Variants in MAN1C1 observed in about 807,000 individuals in gnomAD.
The protein encoded by MAN1C1 is mannosidase alpha class 1C member 1.
In MAN1C1, 49 loss-of-function variants were observed where a neutral mutation model predicts 71.5. The ratio of observed to expected loss-of-function variants is 0.69; its 90% CI spans 0.54 to 0.87. The LOEUF (loss-of-function observed/expected upper bound fraction) is 0.87, where lower values mean the gene tolerates loss of function less well. MAN1C1 is among the 40% of genes least tolerant of loss of function. The pLI, the probability that MAN1C1 is intolerant of heterozygous loss-of-function variation, is 0.00. For missense variants in MAN1C1, 743 were observed against 835.0 expected, an observed-to-expected ratio of 0.89 and a Z score of 1.36; for synonymous variants, 352 against 343.7, an observed-to-expected ratio of 1.02 and a Z score of -0.27.
At position 25,771,417 on chromosome 1, in the gene MAN1C1, C is replaced by T. The variant is rs142949994; in HGVS notation, c.1142-240C>T. On this transcript the variant is annotated intron_variant, in intron 7 of 11. Transcript: ENST00000374332. ...AGGCGAGGTGATTTATAGCACCCGC[C>T]GGATGAGCCCGTGCACTTTTGTGCA... Among the ~76,000 whole-genome samples, 1,091 of 152,242 alleles carry T rather than the reference C, an allele frequency of 7.2e-3. 3 individuals carry two copies. Among genetic ancestry groups the T allele is most frequent in the South Asian group, 0.021 (99 of 4,824 alleles).
At chr1:25,707,405 C>G (rs550569303) in intron 2 of MAN1C1, among the ~76,000 whole-genome samples, 7 of 152,206 alleles carry the variant, frequency 4.6e-5, no homozygotes, top group African/African-American at 7.2e-5. Flanking sequence ...TTTTCACATT[C>G]TTTTTACTTA....
chr1:25,696,699 T>A (rs912742977), intron 2 of MAN1C1, among the ~76,000 whole-genome samples: 4 of 152,162 alleles, frequency 2.6e-5, no homozygotes, highest in Admixed American at 1.3e-4. Flanking sequence ...CAGACTGGAG[T>A]GCAGTGGTGT....
intron 1 of MAN1C1, chr1:25,645,300 T>G (rs1280012267): frequency 6.6e-6 from 1 of 152,378 alleles, no homozygotes; most frequent in African/African-American, 2.4e-5. Context: ...GCTTTCTGGC[T>G]TCCCACTGAG....
intron 1 of MAN1C1, among the ~76,000 whole-genome samples, chr1:25,651,967 G>A (rs1338712511): frequency 2.6e-5 from 4 of 152,178 alleles, no homozygotes; most frequent in Non-Finnish European, 5.9e-5. Context: ...CTGCCTGCCG[G>A]GGCCAGAGAC....
chr1:25,661,571 G>A (rs2045849694), intron 1 of MAN1C1, among the ~76,000 whole-genome samples: 1 of 152,214 alleles, frequency 6.6e-6, no homozygotes, highest in Non-Finnish European at 1.5e-5. Context: ...AAGGAGACAA[G>A]GCTTAGCTTG....
At chr1:25,741,064 T>G (rs569653062) in intron 2 of MAN1C1, among the ~76,000 whole-genome samples, 1 of 152,102 alleles carries the variant, frequency 6.6e-6, no homozygotes, top group East Asian at 1.9e-4. Flanking sequence ...GGAACAGGTC[T>G]GGAGGAAGGC....
intron 1 of MAN1C1, among the ~76,000 whole-genome samples, chr1:25,628,199 T>A (rs992989811): frequency 2.0e-5 from 3 of 152,210 alleles, no homozygotes; most frequent in Non-Finnish European, 2.9e-5. Flanking sequence ...ATAGTGTTTA[T>A]GTTCAAGAGA....
At chr1:25,716,338 T>C (rs1206423893) in intron 2 of MAN1C1, among the ~76,000 whole-genome samples, 1 of 152,124 alleles carries the variant, frequency 6.6e-6, no homozygotes, top group African/African-American at 2.4e-5. Flanking sequence ...TCAAATTTAG[T>C]TTTGTTCTTT....
intron 1 of MAN1C1, among the ~76,000 whole-genome samples, chr1:25,641,779 G>A (rs1172797476): frequency 1.3e-5 from 2 of 152,182 alleles, no homozygotes; most frequent in Admixed American, 6.5e-5. Flanking sequence ...GACCTGCACC[G>A]AAATTGAGTG....
chr1:25,765,327 C>T (rs2047413652), intron 7 of MAN1C1, among the ~76,000 whole-genome samples: 2 of 152,162 alleles, frequency 1.3e-5, no homozygotes, highest in South Asian at 4.1e-4. Flanking sequence ...AGGCCCTGGT[C>T]ACATGGTCAT....
rs772934268 is a variant in MAN1C1 at position 25,618,103 on chromosome 1, C to G, written c.306C>G (p.Pro102=). 6.6e-7 allele frequency: 1 copy of G among 1,513,740 alleles called. No individual in the cohort carries two copies. Among genetic ancestry groups the G allele is most frequent in the African/African-American group, 1.4e-5 (1 of 69,708 alleles). 93.8% of individuals were successfully genotyped at this position (1,513,740 alleles called of 1,614,324 possible). Residue 102 remains proline, a synonymous_variant, in exon 1 of 12, where the codon CCC becomes CCG. Coordinates refer to ENST00000374332, the MANE Select transcript of MAN1C1 (RefSeq NM_020379.4). Reference sequence around the variant, plus strand: ...ATGACCCCAGCAGCTGGGCCAGTCCCCGCCGCAGGAAAGGGGGGCTGCGGC... The same window carrying G: ...ATGACCCCAGCAGCTGGGCCAGTCCGCGCCGCAGGAAAGGGGGGCTGCGGC... ...GEDDPSSWAS[P]RRRKGGLRRT...
chr1:25,747,239 G>A lies in MAN1C1; in HGVS notation c.753+456G>A, dbSNP rs112432390. On this transcript the variant is annotated intron_variant, in intron 3 of 11. Coordinates refer to ENST00000374332, the MANE Select transcript of MAN1C1 (RefSeq NM_020379.4). ...GTTGAGATGGCCGGGTGGGGTGGGC[G>A]TGGAGTGGGTGGTGCATATCCCTTT... 4.5e-4 allele frequency among the ~76,000 whole-genome samples: 68 copies of A among 152,334 alleles called. 1 individual carries two copies. The highest frequency in any genetic ancestry group is 1.4e-3 in the African/African-American group (60 of 41,578).
rs573139087 is a variant in MAN1C1, at chr1:25,730,016, T to G, written c.638-16652T>G. Among the ~76,000 whole-genome samples, 203 of 152,328 alleles carry G rather than the reference T, an allele frequency of 1.3e-3. 1 individual carries two copies. Among genetic ancestry groups the G allele is most frequent in the African/African-American group, 4.8e-3 (198 of 41,570 alleles). ...TTTACTTGCTGTTTTGCTGGGAAAT[T>G]GCTTACTGTCTTTCTGAGAAAGCAG... On this transcript the variant is annotated intron_variant, in intron 2 of 11. Transcript: ENST00000374332. This position sits in a 1 kb window ranked among gnomAD's most constrained non-coding sequence, Gnocchi z 4.3.
At chr1:25,783,461 C>T (rs2124422377) in intron 11 of MAN1C1, among the ~76,000 whole-genome samples, 1 of 152,298 alleles carries the variant, frequency 6.6e-6, no homozygotes, top group South Asian at 2.1e-4. Flanking sequence ...GACCCCAAAG[C>T]TCAAGGCTTT....
chr1:25,725,965 T>A lies in MAN1C1; in HGVS notation c.638-20703T>A, dbSNP rs1156954219. Among the ~76,000 whole-genome samples the A allele has an allele frequency of 6.6e-6, 1 of 152,202 alleles. No individual in the cohort carries two copies. Among genetic ancestry groups the A allele is most frequent in the Non-Finnish European group, 1.5e-5 (1 of 68,030 alleles). ...TGAAATGAAAGGTGAGGCTTTCATC[T>A]GAGTGAGCTGCCCAGCTGGGCATGG... On this transcript the variant is annotated intron_variant, in intron 2 of 11. Transcript: ENST00000374332. The surrounding 1 kb of genome is among the most constrained non-coding windows in gnomAD (Gnocchi z 4.8).
intron 1 of MAN1C1, among the ~76,000 whole-genome samples, chr1:25,622,511 T>C (rs1572100030): frequency 6.6e-6 from 1 of 152,326 alleles, no homozygotes; most frequent in African/African-American, 2.4e-5. Context: ...TCCCTTAGGG[T>C]ACCTGGAATT....
intron 4 of MAN1C1, among the ~76,000 whole-genome samples, chr1:25,751,817 C>T (rs953783720): frequency 2.6e-5 from 4 of 152,196 alleles, no homozygotes. Flanking sequence ...TTGGGCCTGA[C>T]TCCTGACCCT....
rs2047666956 is a variant in MAN1C1 at position 25,779,630 on chromosome 1, C to G, written c.1477+1306C>G. Among the ~76,000 whole-genome samples the G allele has an allele frequency of 6.6e-6, 1 of 152,236 alleles. No individual in the cohort carries two copies. The highest frequency in any genetic ancestry group is 1.5e-5 in the Non-Finnish European group (1 of 68,042). The stretch of plus-strand genomic sequence containing the variant: ...AATAAAGCATATTGTTCTAGCCAGC[C>G]TCGGCTTGTCCTGTGGACGCCTGTA... On this transcript the variant is annotated intron_variant, in intron 9 of 11. Transcript: ENST00000374332. The surrounding 1 kb of genome is among the most constrained non-coding windows in gnomAD (Gnocchi z 4.6).
intron 2 of MAN1C1, among the ~76,000 whole-genome samples, chr1:25,729,730 T>TC (rs1266915535): frequency 1.3e-5 from 2 of 152,052 alleles, no homozygotes; most frequent in South Asian, 2.1e-4. Context: ...CAGGATAGTC[T>TC]CCATCTCTTG....
Sources: gnomAD v4.1 joint callset for allele counts (sites outside exome capture counted in the v4.1 genomes callset) on GRCh38, gnomAD v4.1.1 for gene constraint, Gnocchi (gnomAD v3.1) non-coding constraint, MANE v1.5 for transcripts, NCBI Gene and HGNC (gene_info 2026-07-23, HGNC 2026-07-21) for gene names.